The following PHACTR2 variants were observed in gnomAD, a reference collection of about 807,000 sequenced individuals.
PHACTR2 encodes chromosome 6 open reading frame 56.
PHACTR2 carries 30 observed loss-of-function variants against 76.0 expected under a neutral mutation model. The ratio of observed to expected loss-of-function variants is 0.39; its 90% CI spans 0.30 to 0.54. The LOEUF (loss-of-function observed/expected upper bound fraction) is 0.54, where lower values mean the gene tolerates loss of function less well. Ranked by LOEUF, PHACTR2 falls within the 20% of genes least tolerant of loss-of-function variation. The pLI, the probability that PHACTR2 is intolerant of heterozygous loss-of-function variation, is 0.61. For synonymous variants in PHACTR2, 292 were observed against 292.5 expected (o/e 1.00, Z 0.02); for missense variants, 696 against 781.1 (o/e 0.89, Z 1.30).
At position 143,682,817 on chromosome 6, in the gene PHACTR2, T is replaced by C. The variant is rs1777426010; in HGVS notation, c.46+4608T>C. On this transcript the variant is annotated intron_variant, in intron 1 of 12. Coordinates refer to ENST00000440869, the MANE Select transcript of PHACTR2 (RefSeq NM_001100164.2). ...TTTTTTTTACCATTAACTGTGCTAT[T>C]AGCTATGGGTTTCTTCATAGGTTCA... Among the ~76,000 whole-genome samples the C allele has an allele frequency of 3.9e-5, 6 of 152,268 alleles. No individual in the cohort carries two copies. In the South Asian group the frequency reaches 1.0e-3, roughly 26 times the overall value.
rs1204819936 is a variant in PHACTR2 at position 143,652,500 on chromosome 6, C to T, written c.13+44178C>T. Among the ~76,000 whole-genome samples the T allele has an allele frequency of 2.6e-5, 4 of 152,214 alleles. No individual in the cohort carries two copies. The highest frequency in any genetic ancestry group is 9.7e-5 in the African/African-American group (4 of 41,450). ...AAATGAGAATCTCTTCAAAGTGATGCACGCTGTGTTTTTCCCTGTGAGACG... is the reference window on the plus strand; with the variant it reads ...AAATGAGAATCTCTTCAAAGTGATGTACGCTGTGTTTTTCCCTGTGAGACG... On this transcript the variant is annotated intron_variant, in intron 1 of 11. Coordinates refer to the PHACTR2 transcript ENST00000305766. The surrounding 1 kb of genome is among the most constrained non-coding windows in gnomAD (Gnocchi z 4.5).
intron 10 of PHACTR2, among the ~76,000 whole-genome samples, chr6:143,785,640 G>A (rs1021987610): frequency 9.2e-5 from 14 of 152,158 alleles, no homozygotes; most frequent in Admixed American, 2.6e-4. Flanking sequence ...TTCTCCATGA[G>A]CCCCACCCCA....
chr6:143,555,676 C>A (rs780531029), intron 1 of PHACTR2, among the ~76,000 whole-genome samples: 2 of 151,956 alleles, frequency 1.3e-5, no homozygotes, highest in Non-Finnish European at 2.9e-5. Flanking sequence ...ATACCCCCAC[C>A]CTAGATGATT....
chr6:143,690,583 A>G (rs1777621596), intron 1 of PHACTR2, among the ~76,000 whole-genome samples: 2 of 152,240 alleles, frequency 1.3e-5, no homozygotes, highest in African/African-American at 2.4e-5. Context: ...GACTTGCTGC[A>G]GTATGCACAA....
chr6:143,727,003 T>C (rs1000449837), intron 2 of PHACTR2, among the ~76,000 whole-genome samples: 6 of 152,182 alleles, frequency 3.9e-5, no homozygotes, highest in Non-Finnish European at 7.3e-5. Flanking sequence ...ATTGTTGCAA[T>C]TGCAGTCACC....
chr6:143,668,882 C>G (rs1476734339), intron 1 of PHACTR2, among the ~76,000 whole-genome samples: 1 of 152,066 alleles, frequency 6.6e-6, no homozygotes, highest in Non-Finnish European at 1.5e-5. Flanking sequence ...CAGTTCTGCT[C>G]TGGTCTTAGT....
chr6:143,576,521 T>C (rs1006312557), intron 1 of PHACTR2, among the ~76,000 whole-genome samples: 3 of 152,236 alleles, frequency 2.0e-5, no homozygotes, highest in Non-Finnish European at 4.4e-5. Flanking sequence ...ATTTAGCTTT[T>C]CAGTTTTAAA....
rs1338763654 is a variant in PHACTR2, at chr6:143,556,903, G to C, written c.217+19696G>C. Among the ~76,000 whole-genome samples the C allele has an allele frequency of 2.0e-5, 3 of 152,182 alleles. No homozygotes were observed. Among genetic ancestry groups the C allele is most frequent in the Non-Finnish European group, 1.5e-5 (1 of 68,038 alleles). Reference sequence around the variant, plus strand: ...GGAACTAATAAAAATGATGCACAAAGACGTGAGAAGATATGCTGCCTGTCT... The same window carrying C: ...GGAACTAATAAAAATGATGCACAAACACGTGAGAAGATATGCTGCCTGTCT... On this transcript the variant is annotated intron_variant, in intron 1 of 11. Coordinates refer to the PHACTR2 transcript ENST00000367584. This position sits in a 1 kb window ranked among gnomAD's most constrained non-coding sequence, Gnocchi z 4.3.
At chr6:143,593,840 C>T (rs144037420) in intron 1 of PHACTR2, among the ~76,000 whole-genome samples, 48 of 152,316 alleles carry the variant, frequency 3.2e-4, no homozygotes, top group African/African-American at 1.1e-3. Context: ...AAAACACAAA[C>T]GTGACATTCA....
chr6:143,704,095 C>CTGTGTG (rs759683885), intron 1 of PHACTR2, among the ~76,000 whole-genome samples: 7 of 144,122 alleles, frequency 4.9e-5, no homozygotes, highest in South Asian at 2.2e-4. Context: ...GTGTGTGTGT[C>CTGTGTG]TGTGTGTGTG....
Position 143,818,580 on chromosome 6 carries a change from A to G in PHACTR2, c.1923-5094A>G, listed in dbSNP as rs1776349653. 6.6e-6 allele frequency among the ~76,000 whole-genome samples: 1 copy of G among 152,224 alleles called. No homozygotes were observed. The highest frequency in any genetic ancestry group is 1.5e-5 in the Non-Finnish European group (1 of 68,050). The stretch of plus-strand genomic sequence containing the variant: ...ACATACCCGAGACTGGGTAATTTAT[A>G]AAGGAAAGAGATTTAATTGACTCAC... On this transcript the variant is annotated intron_variant, in intron 12 of 12. Coordinates refer to ENST00000440869, the MANE Select transcript of PHACTR2 (RefSeq NM_001100164.2). The surrounding 1 kb of genome is among the most constrained non-coding windows in gnomAD (Gnocchi z 4.9).
At chr6:143,635,110 A>T (rs1221112236) in intron 1 of PHACTR2, among the ~76,000 whole-genome samples, 1 of 152,218 alleles carries the variant, frequency 6.6e-6, no homozygotes, top group Non-Finnish European at 1.5e-5. Context: ...TGCAGATGGC[A>T]TGTGTTACTT....
intron 2 of PHACTR2, among the ~76,000 whole-genome samples, chr6:143,740,525 G>T (rs202071670): frequency 1.4e-5 from 1 of 72,542 alleles, no homozygotes; most frequent in Non-Finnish European, 3.1e-5. Flanking sequence ...AAAAAAAAAG[G>T]AAAAAATAAA....
At position 143,608,906 on chromosome 6, in the gene PHACTR2, A is replaced by T. The variant is rs1307912519; in HGVS notation, c.13+584A>T. Among the ~76,000 whole-genome samples the T allele has an allele frequency of 1.3e-5, 2 of 152,212 alleles. No individual in the cohort carries two copies. Among genetic ancestry groups the T allele is most frequent in the Non-Finnish European group, 2.9e-5 (2 of 68,042 alleles). On this transcript the variant is annotated intron_variant, in intron 1 of 11. Transcript: ENST00000305766. The surrounding 1 kb of genome is among the most constrained non-coding windows in gnomAD (Gnocchi z 4.6). ...CTTTACTTGATAACTAGACAAACAG[A>T]TGATTGAAGTATGTTAATGTCAATT...
intron 1 of PHACTR2, among the ~76,000 whole-genome samples, chr6:143,699,224 G>T (rs1777842435): frequency 6.6e-6 from 1 of 152,108 alleles, no homozygotes; most frequent in African/African-American, 2.4e-5. Flanking sequence ...TCCCCATGCA[G>T]TCCCCGTGTG....
chr6:143,567,342 A>G (rs1454800544), intron 1 of PHACTR2, among the ~76,000 whole-genome samples: 1 of 152,136 alleles, frequency 6.6e-6, no homozygotes, highest in African/African-American at 2.4e-5. Context: ...AGTTTTCTCC[A>G]TACAGGCTTT....
chr6:143,760,638 C>G lies in PHACTR2; in HGVS notation c.692C>G (p.Ala231Gly). 6.2e-7 allele frequency: 1 copy of G among 1,613,838 alleles called. No homozygotes were observed. The highest frequency in any genetic ancestry group is 1.1e-5 in the South Asian group (1 of 91,068). ...GCAAGCCGAAACACGACCCGAGAGGCTGGTGAGTATGCCCCCAGTGCCCTG... is the reference window on the plus strand; with the variant it reads ...GCAAGCCGAAACACGACCCGAGAGGGTGGTGAGTATGCCCCCAGTGCCCTG... ...KPASRNTTRE[A>G]AGSSHSKKTT... is the part of the protein sequence containing the mutation. Residue 231 changes from alanine to glycine, a missense_variant and splice_region_variant, in exon 5 of 13, where the codon GCT becomes GGT. Coordinates refer to ENST00000440869, the MANE Select transcript of PHACTR2 (RefSeq NM_001100164.2). The surrounding 1 kb of genome is among the most constrained non-coding windows in gnomAD (Gnocchi z 6.4).
Position 143,774,244 on chromosome 6 carries a change from G to T in PHACTR2, c.1589+29G>T. The T allele has an allele frequency of 1.3e-6, 2 of 1,589,258 alleles. No individual in the cohort carries two copies. The highest frequency in any genetic ancestry group is 2.2e-5 in the South Asian group (2 of 89,214). On this transcript the variant is annotated intron_variant, in intron 8 of 12. Transcript: ENST00000440869. This position sits in a 1 kb window ranked among gnomAD's most constrained non-coding sequence, Gnocchi z 5.4. ...ATTGCTAACATTTTAGGACAGTACT[G>T]ACTAATTTGTATTTTTCTCCCTCCC...
intron 1 of PHACTR2, among the ~76,000 whole-genome samples, chr6:143,686,481 CTTTTTTTTT>C (rs71024870): frequency 1.2e-5 from 1 of 83,990 alleles, no homozygotes; most frequent in African/African-American, 4.6e-5. Context: ...GAACTTCATT[CTTTTTTTTT>C]TTTTTTTTTT....
Sources: gnomAD v4.1 joint callset for allele counts (sites outside exome capture counted in the v4.1 genomes callset) on GRCh38, gnomAD v4.1.1 for gene constraint, Gnocchi (gnomAD v3.1) non-coding constraint, MANE v1.5 for transcripts, NCBI Gene and HGNC (gene_info 2026-07-23, HGNC 2026-07-21) for gene names.